The following ASIC2 variants were observed in gnomAD, a reference collection of about 807,000 sequenced individuals.
ASIC2 encodes acid-sensing ion channel 2.
ASIC2 carries 25 observed loss-of-function variants against 57.3 expected under a neutral mutation model. The observed-to-expected ratio is 0.44, with a 90% CI of 0.32 to 0.61. The LOEUF (loss-of-function observed/expected upper bound fraction) is 0.61. Ranked by LOEUF, ASIC2 falls within the 20% of genes least tolerant of loss-of-function variation. ASIC2 has a pLI of 0.06. For missense variants in ASIC2, 641 were observed against 738.1 expected (o/e 0.87, Z 1.52); for synonymous variants, 319 against 307.5 (o/e 1.04, Z -0.39).
chr17:33,994,954 G>A (rs1398540807), intron 1 of ASIC2, among the ~76,000 whole-genome samples: 2 of 152,164 alleles, frequency 1.3e-5, no homozygotes, highest in African/African-American at 4.8e-5. Context: ...CTATATGTAT[G>A]ATTTCAACTT....
intron 1 of ASIC2, among the ~76,000 whole-genome samples, chr17:33,397,438 C>T (rs1417959930): frequency 6.6e-6 from 1 of 152,124 alleles, no homozygotes; most frequent in African/African-American, 2.4e-5. Context: ...AGCAGGGGAC[C>T]TTACATGCAG....
At chr17:34,152,251 A>T (rs1281343976) in intron 1 of ASIC2, among the ~76,000 whole-genome samples, 4 of 152,230 alleles carry the variant, frequency 2.6e-5, no homozygotes, top group Non-Finnish European at 5.9e-5. Context: ...CAAATTTAAA[A>T]TACAAACACA....
At chr17:33,212,968 C>T (rs779808026) in intron 1 of ASIC2, among the ~76,000 whole-genome samples, 4 of 152,208 alleles carry the variant, frequency 2.6e-5, no homozygotes, top group African/African-American at 7.2e-5. Flanking sequence ...CTGCAAGTGT[C>T]GTGACTTCTC....
At chr17:33,475,523 T>C (rs1033284492) in intron 1 of ASIC2, among the ~76,000 whole-genome samples, 3 of 152,218 alleles carry the variant, frequency 2.0e-5, no homozygotes, top group Admixed American at 1.3e-4. Context: ...GAATGTTTTG[T>C]TGTTTTGGCT....
At chr17:33,926,756 C>T (rs1915829856) in intron 1 of ASIC2, among the ~76,000 whole-genome samples, 1 of 152,194 alleles carries the variant, frequency 6.6e-6, no homozygotes, top group South Asian at 2.1e-4. Flanking sequence ...GTAGCATCAC[C>T]AGAATACCTG....
At chr17:33,247,056 C>T (rs1241788806) in intron 1 of ASIC2, among the ~76,000 whole-genome samples, 1 of 152,178 alleles carries the variant, frequency 6.6e-6, no homozygotes, top group East Asian at 1.9e-4. Context: ...TCTACATTTC[C>T]ACCACATGTC....
At chr17:33,962,014 A>G (rs1347264222) in intron 1 of ASIC2, among the ~76,000 whole-genome samples, 1 of 152,190 alleles carries the variant, frequency 6.6e-6, no homozygotes, top group Non-Finnish European at 1.5e-5. Flanking sequence ...CCGGCCTTTC[A>G]TTCTGAGGAC....
At chr17:33,875,564 C>G (rs1914525651) in intron 1 of ASIC2, among the ~76,000 whole-genome samples, 1 of 152,178 alleles carries the variant, frequency 6.6e-6, no homozygotes, top group African/African-American at 2.4e-5. Flanking sequence ...GCCACTCAGT[C>G]CCCAAAGCCC....
At chr17:33,328,242 A>G (rs540386221) in intron 1 of ASIC2, among the ~76,000 whole-genome samples, 6 of 152,312 alleles carry the variant, frequency 3.9e-5, no homozygotes, top group African/African-American at 7.2e-5. Flanking sequence ...TGTTACAAAA[A>G]GCACCTGGTT....
intron 1 of ASIC2, among the ~76,000 whole-genome samples, chr17:33,803,472 G>C (rs776390310): frequency 6.6e-6 from 1 of 151,984 alleles, no homozygotes; most frequent in Non-Finnish European, 1.5e-5. Flanking sequence ...GTACCCCAGG[G>C]CATGGCAGTT....
At chr17:33,953,944 T>C (rs1209795824) in intron 1 of ASIC2, among the ~76,000 whole-genome samples, 1 of 152,204 alleles carries the variant, frequency 6.6e-6, no homozygotes, top group South Asian at 2.1e-4. Context: ...TGGGGTTCCA[T>C]GGTACATTCT....
intron 1 of ASIC2, among the ~76,000 whole-genome samples, chr17:33,584,691 TGG>T (rs772418891): frequency 4.1e-4 from 16 of 39,480 alleles, no homozygotes; most frequent in Non-Finnish European, 6.1e-4. Context: ...AGTCAGATCT[TGG>T]GGTGGGGTTT....
intron 1 of ASIC2, chr17:33,935,652 G>A (rs1916041961): frequency 6.6e-6 from 1 of 152,094 alleles, no homozygotes; most frequent in Non-Finnish European, 1.5e-5. Flanking sequence ...CTCCCACATT[G>A]TGGATGAGGA....
chr17:33,396,582 C>T (rs34365076), intron 1 of ASIC2, among the ~76,000 whole-genome samples: 8 of 152,318 alleles, frequency 5.3e-5, no homozygotes, highest in Non-Finnish European at 8.8e-5. Flanking sequence ...AGCTCATACT[C>T]TCTGGGCTTT....
chr17:33,411,232 C>A (rs551395762), intron 1 of ASIC2, among the ~76,000 whole-genome samples: 1 of 152,134 alleles, frequency 6.6e-6, no homozygotes, highest in African/African-American at 2.4e-5. Flanking sequence ...TCCTCAGAAT[C>A]CTCATTAGAA....
At chr17:33,279,436 G>C (rs1904847559) in intron 1 of ASIC2, among the ~76,000 whole-genome samples, 1 of 152,218 alleles carries the variant, frequency 6.6e-6, no homozygotes, top group African/African-American at 2.4e-5. Context: ...ACTTAGCTTT[G>C]TGACTTTGGG....
intron 1 of ASIC2, among the ~76,000 whole-genome samples, chr17:33,806,381 AT>A (rs1322070957): frequency 6.6e-6 from 1 of 152,256 alleles, no homozygotes; most frequent in Non-Finnish European, 1.5e-5. Context: ...GTTTTCAACC[AT>A]TTAAGAATGT....
chr17:33,701,479 T>C (rs1447933864), intron 1 of ASIC2, among the ~76,000 whole-genome samples: 1 of 152,218 alleles, frequency 6.6e-6, no homozygotes, highest in Non-Finnish European at 1.5e-5. Context: ...ATTTTTGTTA[T>C]AGTTCTCAGC....
At chr17:33,872,556 A>T (rs1914445556) in intron 1 of ASIC2, among the ~76,000 whole-genome samples, 1 of 152,158 alleles carries the variant, frequency 6.6e-6, no homozygotes, top group South Asian at 2.1e-4. Context: ...CCTGAGCAGC[A>T]GGGGCAGCCC....
Sources: allele counts gnomAD v4.1 joint callset (sites outside exome capture counted in the v4.1 genomes callset), GRCh38; gene constraint gnomAD v4.1.1; transcripts MANE v1.5; gene names NCBI Gene and HGNC (gene_info 2026-07-23, HGNC 2026-07-21).